CCSER1: variants seen among roughly 807,000 people sequenced by gnomAD.
CCSER1 encodes the protein coiled-coil serine rich protein 1.
CCSER1 carries 41 observed loss-of-function variants against 82.0 expected under a neutral mutation model. The ratio of observed to expected loss-of-function variants is 0.50; its 90% CI spans 0.39 to 0.65. The LOEUF is 0.65. Among genes scored for constraint, CCSER1 ranks in the 30% least tolerant of loss-of-function variants. The pLI is 0.00. For synonymous variants in CCSER1, 414 were observed against 383.9 expected, an observed-to-expected ratio of 1.08 and a Z score of -0.92; for missense variants, 1,119 against 1,064.2, an observed-to-expected ratio of 1.05 and a Z score of -0.72.
At chr4:91,558,520 A>C (rs967222906) in intron 10 of CCSER1, among the ~76,000 whole-genome samples, 5 of 151,646 alleles carry the variant, frequency 3.3e-5, no homozygotes, top group Non-Finnish European at 7.4e-5. Context: ...AGTAAAGTTC[A>C]CAATTTGTAT....
At chr4:91,143,912 T>C (rs1729287900) in intron 10 of CCSER1, among the ~76,000 whole-genome samples, 1 of 152,060 alleles carries the variant, frequency 6.6e-6, no homozygotes, top group Non-Finnish European at 1.5e-5. Flanking sequence ...TCTATGTTCA[T>C]CAGGGATATT....
Position 90,339,503 on chromosome 4 carries a change from G to T in CCSER1, c.1509+26456G>T, listed in dbSNP as rs369373878. ...CTACACAATTCCATTCCTTGCTTTCGCTCTCCAGTTATCTCCTATTATTTT... is the reference window on the plus strand; with the variant it reads ...CTACACAATTCCATTCCTTGCTTTCTCTCTCCAGTTATCTCCTATTATTTT... On this transcript the variant is annotated intron_variant, in intron 3 of 10. Coordinates refer to ENST00000509176, the MANE Select transcript of CCSER1 (RefSeq NM_001145065.2). Among the ~76,000 whole-genome samples the T allele has an allele frequency of 1.9e-3, 292 of 151,992 alleles. 1 individual carries two copies. Among genetic ancestry groups the T allele is most frequent in the African/African-American group, 6.0e-3 (248 of 41,434 alleles).
intron 7 of CCSER1, among the ~76,000 whole-genome samples, chr4:90,805,443 A>G (rs1458684938): frequency 6.6e-6 from 1 of 152,174 alleles, no homozygotes; most frequent in Admixed American, 6.5e-5. Context: ...TCTGCAAAGG[A>G]GTAACCTCAG....
chr4:90,517,746 A>T (rs1412906535), intron 5 of CCSER1, among the ~76,000 whole-genome samples: 1 of 152,122 alleles, frequency 6.6e-6, no homozygotes, highest in Non-Finnish European at 1.5e-5. Flanking sequence ...GGCTAGTTAG[A>T]GAAGAAGTCA....
At chr4:91,060,315 T>TA (rs1460973629) in intron 9 of CCSER1, among the ~76,000 whole-genome samples, 1 of 152,084 alleles carries the variant, frequency 6.6e-6, no homozygotes, top group Non-Finnish European at 1.5e-5. Flanking sequence ...TGATAATTTT[T>TA]AGCTTTAATA....
At chr4:90,383,358 C>T (rs1022250345) in intron 3 of CCSER1, among the ~76,000 whole-genome samples, 3 of 152,102 alleles carry the variant, frequency 2.0e-5, no homozygotes, top group Admixed American at 6.6e-5. Context: ...ATCAACTTTA[C>T]CCTCACTTTA....
chr4:91,031,583 T>G (rs1360084944), intron 9 of CCSER1, among the ~76,000 whole-genome samples: 2 of 152,062 alleles, frequency 1.3e-5, no homozygotes, highest in Admixed American at 6.6e-5. Context: ...AAGTTTCACT[T>G]TGGTTTGACT....
intron 1 of CCSER1, among the ~76,000 whole-genome samples, chr4:90,228,274 C>G (rs1743644075): frequency 6.6e-6 from 1 of 152,188 alleles, no homozygotes; most frequent in Non-Finnish European, 1.5e-5. Context: ...AGCTGGAGAT[C>G]TGAGAACGGG....
chr4:91,017,287 A>G (rs946838767), intron 9 of CCSER1: 1 of 152,216 alleles, frequency 6.6e-6, no homozygotes, highest in African/African-American at 2.4e-5. Flanking sequence ...GATGGGAAAG[A>G]GAACAGAATC....
intron 5 of CCSER1, among the ~76,000 whole-genome samples, chr4:90,529,235 G>A (rs113833364): frequency 1.2e-4 from 18 of 150,920 alleles, no homozygotes; most frequent in Admixed American, 4.0e-4. Flanking sequence ...ATTTTTTTGC[G>A]AGTGAGTCTC....
intron 6 of CCSER1, among the ~76,000 whole-genome samples, chr4:90,634,283 G>C (rs1725028941): frequency 6.6e-6 from 1 of 151,562 alleles, no homozygotes; most frequent in Non-Finnish European, 1.5e-5. Context: ...AAATATTGGG[G>C]CTGTGAAACA....
chr4:90,892,253 AC>A (rs1254025912), intron 8 of CCSER1, among the ~76,000 whole-genome samples: 1 of 151,894 alleles, frequency 6.6e-6, no homozygotes, highest in Non-Finnish European at 1.5e-5. Context: ...CTGGCAGTAG[AC>A]CTTTAATTTT....
At chr4:91,184,542 A>G (rs1394298410) in intron 10 of CCSER1, among the ~76,000 whole-genome samples, 1 of 152,206 alleles carries the variant, frequency 6.6e-6, no homozygotes, top group Non-Finnish European at 1.5e-5. Flanking sequence ...GGAGAATTCC[A>G]AGGGAAAATG....
chr4:91,591,352 C>A (rs1156583562), intron 10 of CCSER1, among the ~76,000 whole-genome samples: 1 of 151,978 alleles, frequency 6.6e-6, no homozygotes, highest in Non-Finnish European at 1.5e-5. Context: ...GGGACAATGG[C>A]TTCTTGATAT....
At chr4:90,858,414 A>G (rs549276263) in intron 8 of CCSER1, among the ~76,000 whole-genome samples, 3 of 152,130 alleles carry the variant, frequency 2.0e-5, no homozygotes, top group Admixed American at 6.6e-5. Context: ...TTTAGATCAA[A>G]TAAGACAATT....
intron 10 of CCSER1, among the ~76,000 whole-genome samples, chr4:91,184,777 A>C (rs1260068792): frequency 6.6e-6 from 1 of 152,088 alleles, no homozygotes; most frequent in Non-Finnish European, 1.5e-5. Context: ...AAATCTTGCA[A>C]ATTTTTTTCT....
At chr4:91,377,673 C>T (rs929521992) in intron 10 of CCSER1, among the ~76,000 whole-genome samples, 2 of 152,134 alleles carry the variant, frequency 1.3e-5, no homozygotes, top group Non-Finnish European at 2.9e-5. Flanking sequence ...GAGTAGATTG[C>T]AAGAATGTTC....
intron 1 of CCSER1, among the ~76,000 whole-genome samples, chr4:90,133,981 C>G (rs1723235889): frequency 6.6e-6 from 1 of 152,052 alleles, no homozygotes; most frequent in South Asian, 2.1e-4. Flanking sequence ...TAAGGGGAGT[C>G]TTAGAATTTT....
chr4:91,377,329 T>A (rs1339289054), intron 10 of CCSER1, among the ~76,000 whole-genome samples: 3 of 152,178 alleles, frequency 2.0e-5, no homozygotes, highest in African/African-American at 7.2e-5. Flanking sequence ...CGCCACACTG[T>A]CTTCCACAAT....
Sources: gnomAD v4.1 joint callset for allele counts (sites outside exome capture counted in the v4.1 genomes callset) on GRCh38, gnomAD v4.1.1 for gene constraint, MANE v1.5 for transcripts, NCBI Gene and HGNC (gene_info 2026-07-23, HGNC 2026-07-21) for gene names.